The following COP1 variants were observed in gnomAD, a reference collection of about 807,000 sequenced individuals.
COP1 encodes the protein E3 ubiquitin-protein ligase COP1.
A neutral mutation model predicts 101.3 loss-of-function variants in COP1; 24 were observed. That is an observed-to-expected ratio of 0.24 (90% CI 0.17 to 0.33). The LOEUF is 0.33. COP1 is among the 10% of genes least tolerant of loss of function. The probability of loss-of-function intolerance (pLI) is 1.00; values close to 1 mark genes in which losing one functional copy is unlikely to be tolerated. For missense variants in COP1, 663 were observed against 906.2 expected (o/e 0.73, Z 3.45); for synonymous variants, 347 against 341.9 (o/e 1.01, Z -0.17).
chr1:176,081,294 G>GGA lies in COP1; in HGVS notation c.1142-8_1142-7insTC. On this transcript the variant is annotated splice_region_variant and splice_polypyrimidine_tract_variant and intron_variant, in intron 10 of 19. Coordinates refer to ENST00000367669, the MANE Select transcript of COP1 (RefSeq NM_022457.7). ...CTTGCAGTTCGACTGTCATCTATAT[G>GGA]AAAAAAAAAAAAAAAAGACAAAACA... The GGA allele has an allele frequency of 7.8e-7, 1 of 1,283,240 alleles. No individual in the cohort carries two copies. 79.5% of individuals were successfully genotyped at this position (1,283,240 alleles called of 1,614,324 possible). A position where few individuals can be genotyped will look rare whatever the true frequency, so the allele number is the denominator to read the frequency against.
chr1:176,000,686 G>A (rs1661386864), intron 15 of COP1, among the ~76,000 whole-genome samples: 1 of 151,374 alleles, frequency 6.6e-6, no homozygotes, highest in African/African-American at 2.4e-5. Flanking sequence ...TTGGAAAAAG[G>A]GTTCTCAACC....
chr1:176,197,863 A>G (rs1699861685), intron 1 of COP1, among the ~76,000 whole-genome samples: 1 of 152,222 alleles, frequency 6.6e-6, no homozygotes, highest in African/African-American at 2.4e-5. Context: ...GTATTTACAT[A>G]CTAGCAACAA....
chr1:176,041,784 G>C (rs1188808311), intron 14 of COP1, among the ~76,000 whole-genome samples: 1 of 152,086 alleles, frequency 6.6e-6, no homozygotes. Context: ...TGGCCAGCAC[G>C]GTGAAACCCC....
intron 5 of COP1, among the ~76,000 whole-genome samples, chr1:176,150,321 C>T (rs1692216066): frequency 6.6e-6 from 1 of 152,090 alleles, no homozygotes; most frequent in Non-Finnish European, 1.5e-5. Context: ...CAGGATAGTC[C>T]AATTAAAATA....
chr1:176,050,850 T>C (rs1672420077), intron 11 of COP1, among the ~76,000 whole-genome samples: 1 of 152,234 alleles, frequency 6.6e-6, no homozygotes, highest in East Asian at 1.9e-4. Context: ...ATACACCAGA[T>C]AATTCAAATT....
intron 9 of COP1, among the ~76,000 whole-genome samples, chr1:176,113,858 A>G (rs1032069099): frequency 6.6e-6 from 1 of 152,058 alleles, no homozygotes; most frequent in Non-Finnish European, 1.5e-5. Context: ...GTAATGATAA[A>G]TCTTATCTAG....
At chr1:176,033,362 G>C (rs1053347921) in intron 14 of COP1, among the ~76,000 whole-genome samples, 7 of 152,278 alleles carry the variant, frequency 4.6e-5, no homozygotes, top group Admixed American at 2.0e-4. Context: ...GGGTGGTGGA[G>C]GCTGCAGTGA....
chr1:176,013,553 A>T (rs1309315266), intron 15 of COP1, among the ~76,000 whole-genome samples: 1 of 152,186 alleles, frequency 6.6e-6, no homozygotes. Flanking sequence ...GTTACATTAG[A>T]CTATCATAAA....
intron 8 of COP1, among the ~76,000 whole-genome samples, chr1:176,128,477 G>T (rs1414298534): frequency 1.3e-5 from 2 of 151,910 alleles, no homozygotes; most frequent in Non-Finnish European, 2.9e-5. Context: ...TCCTTGGCAT[G>T]GTTTAGGGTC....
chr1:176,194,032 C>T lies in COP1; in HGVS notation c.408-9340G>A, dbSNP rs140497651. On this transcript the variant is annotated intron_variant, in intron 1 of 19. Transcript: ENST00000367669. Reference sequence around the variant, plus strand: ...AGAATGGATCCTACAAATGGAAATACACTATTGCAAAATTTTTATATTGTA... The same window carrying T: ...AGAATGGATCCTACAAATGGAAATATACTATTGCAAAATTTTTATATTGTA... Among the ~76,000 whole-genome samples the T allele has an allele frequency of 2.7e-3, 416 of 152,210 alleles. 3 individuals are homozygous for T. The highest frequency in any genetic ancestry group is 9.2e-3 in the African/African-American group (381 of 41,518).
chr1:176,039,431 GA>G (rs953645615), intron 14 of COP1, among the ~76,000 whole-genome samples: 22 of 145,504 alleles, frequency 1.5e-4, no homozygotes, highest in East Asian at 6.0e-4. Context: ...AGTAAGCAGG[GA>G]AAAAAAAAAC....
chr1:176,199,240 C>G (rs1304677488), intron 1 of COP1, among the ~76,000 whole-genome samples: 2 of 152,040 alleles, frequency 1.3e-5, no homozygotes, highest in Non-Finnish European at 2.9e-5. Flanking sequence ...TTGCTTGAAC[C>G]CAGGAGGCAG....
rs1281371673 is a variant in COP1, at chr1:176,136,865, C to T, written c.832-318G>A. On this transcript the variant is annotated intron_variant, in intron 6 of 19. Coordinates refer to ENST00000367669, the MANE Select transcript of COP1 (RefSeq NM_022457.7). ...AGATAGCCAAAGAACTTTCACATTA[C>T]CTCATTTAGTTGTTAAACAGAAAAA... Among the ~76,000 whole-genome samples, 4 of 151,868 alleles carry T rather than the reference C, an allele frequency of 2.6e-5. 1 individual carries two copies. The highest frequency in any genetic ancestry group is 2.6e-4 in the Admixed American group (4 of 15,236).
At chr1:175,976,069 TCTCAAA>T (rs1654463350) in intron 18 of COP1, among the ~76,000 whole-genome samples, 1 of 7,162 alleles carries the variant, frequency 1.4e-4, no homozygotes, top group Non-Finnish European at 7.9e-3. Context: ...AATTAGAAGG[TCTCAAA>T]GGTCTCAATC....
In COP1 at chr1:176,155,678, G is replaced by T. The variant is rs375203204; in HGVS notation, c.763-6604C>A. ...CCTCTTGTTGCATGAAACCCAAGAA[G>T]AATAAATATAAAAATAATAAAATGT... On this transcript the variant is annotated intron_variant, in intron 5 of 19. Coordinates refer to ENST00000367669, the MANE Select transcript of COP1 (RefSeq NM_022457.7). Among the ~76,000 whole-genome samples, 4 of 151,874 alleles carry T rather than the reference G, an allele frequency of 2.6e-5. No homozygotes were observed. The East Asian group carries it at 5.8e-4, about 22-fold the overall frequency.
At chr1:176,193,023 A>G (rs1699282992) in intron 1 of COP1, among the ~76,000 whole-genome samples, 1 of 152,230 alleles carries the variant, frequency 6.6e-6, no homozygotes, top group Admixed American at 6.5e-5. Flanking sequence ...CACAAAATGC[A>G]TTCAAACAGT....
intron 3 of COP1, among the ~76,000 whole-genome samples, chr1:176,168,175 A>G (rs1695435206): frequency 6.6e-6 from 1 of 151,606 alleles, no homozygotes; most frequent in Non-Finnish European, 1.5e-5. Flanking sequence ...CTCCTGCCTC[A>G]GCCTCCCGAG....
At chr1:176,019,081 G>A (rs1285471357) in intron 15 of COP1, among the ~76,000 whole-genome samples, 2 of 151,648 alleles carry the variant, frequency 1.3e-5, no homozygotes, top group Admixed American at 6.6e-5. Flanking sequence ...CACGAGAATC[G>A]CTTGAACCTG....
At chr1:176,082,284 T>A (rs1212677496) in intron 10 of COP1, among the ~76,000 whole-genome samples, 2 of 151,936 alleles carry the variant, frequency 1.3e-5, no homozygotes, top group African/African-American at 4.8e-5. Context: ...AGCCCATACA[T>A]ACACACACAC....
Sources: allele counts gnomAD v4.1 joint callset (sites outside exome capture counted in the v4.1 genomes callset), GRCh38; gene constraint gnomAD v4.1.1; transcripts MANE v1.5; gene names NCBI Gene and HGNC (gene_info 2026-07-23, HGNC 2026-07-21).